The following KIAA0825 variants were observed in gnomAD, a reference collection of about 807,000 sequenced individuals.
KIAA0825 encodes uncharacterized protein KIAA0825.
A neutral mutation model predicts 147.6 loss-of-function variants in KIAA0825; 119 were observed. The ratio of observed to expected loss-of-function variants is 0.81; its 90% CI spans 0.69 to 0.94. KIAA0825 has a LOEUF of 0.94. Among genes scored for constraint, KIAA0825 ranks in the 40% least tolerant of loss-of-function variants. The pLI is 0.00. For synonymous variants in KIAA0825, 470 were observed against 518.1 expected, an observed-to-expected ratio of 0.91 and a Z score of 1.26; for missense variants, 1,381 against 1,472.7, an observed-to-expected ratio of 0.94 and a Z score of 1.02.
intron 2 of KIAA0825, among the ~76,000 whole-genome samples, chr5:94,574,558 A>G (rs537826028): frequency 1.8e-4 from 27 of 150,658 alleles, no homozygotes; most frequent in East Asian, 7.8e-4. Context: ...AAAAAAAAAA[A>G]AAAAAAAGAA....
intron 20 of KIAA0825, among the ~76,000 whole-genome samples, chr5:94,332,045 C>G (rs1015361894): frequency 6.6e-6 from 1 of 151,334 alleles, no homozygotes; most frequent in African/African-American, 2.4e-5. Flanking sequence ...GCCTATAATC[C>G]CAGCTACTTG....
intron 5 of KIAA0825, among the ~76,000 whole-genome samples, chr5:94,485,513 A>G (rs1200554379): frequency 1.3e-5 from 2 of 151,900 alleles, no homozygotes; most frequent in African/African-American, 4.8e-5. Context: ...CCCGATTTAT[A>G]TAGCTGTATT....
intron 1 of KIAA0825, among the ~76,000 whole-genome samples, chr5:94,591,092 T>G (rs534385747): frequency 6.6e-6 from 1 of 152,122 alleles, no homozygotes; most frequent in Non-Finnish European, 1.5e-5. Flanking sequence ...GAAGTTATAT[T>G]ATGGAGAAGA....
intron 20 of KIAA0825, among the ~76,000 whole-genome samples, chr5:94,227,764 T>A (rs1774337414): frequency 6.7e-6 from 1 of 150,176 alleles, no homozygotes; most frequent in Non-Finnish European, 1.5e-5. Context: ...TAGGTGGGAG[T>A]TGAACAATGA....
chr5:94,358,293 A>G (rs1744586846), intron 20 of KIAA0825, among the ~76,000 whole-genome samples: 1 of 152,208 alleles, frequency 6.6e-6, no homozygotes, highest in African/African-American at 2.4e-5. Flanking sequence ...TAAAGTGCAA[A>G]CTAGAGAATA....
chr5:94,442,293 C>G (rs964242511), intron 13 of KIAA0825, among the ~76,000 whole-genome samples: 7 of 152,124 alleles, frequency 4.6e-5, no homozygotes, highest in Non-Finnish European at 7.3e-5. Flanking sequence ...CAACCTTGGG[C>G]CAACTCAGGC....
At chr5:94,321,620 C>T (rs867028622) in intron 20 of KIAA0825, among the ~76,000 whole-genome samples, 1 of 151,888 alleles carries the variant, frequency 6.6e-6, no homozygotes, top group Non-Finnish European at 1.5e-5. Flanking sequence ...GCAAAATGTA[C>T]ATTAGTTAGT....
rs373876212 is a variant in KIAA0825 at position 94,610,980 on chromosome 5, A to G, written c.-153+7520T>C. On this transcript the variant is annotated intron_variant, in intron 1 of 20. Transcript: ENST00000682413. ...TGTGCTCCCTGGAAGGAAAATGGAC[A>G]GTAAACTGGTGGTGTGGCATGACTG... Among the ~76,000 whole-genome samples, 14 of 152,132 alleles carry G rather than the reference A, an allele frequency of 9.2e-5. 1 individual carries two copies. The East Asian group carries it at 9.7e-4, about 11-fold the overall frequency.
intron 3 of KIAA0825, among the ~76,000 whole-genome samples, chr5:94,532,122 G>A (rs1770916403): frequency 6.6e-6 from 1 of 152,134 alleles, no homozygotes; most frequent in South Asian, 2.1e-4. Flanking sequence ...GCATTTTCTA[G>A]GTGAAGTCAA....
intron 20 of KIAA0825, among the ~76,000 whole-genome samples, chr5:94,208,735 T>C (rs1001765780): frequency 3.9e-5 from 6 of 152,156 alleles, no homozygotes; most frequent in African/African-American, 7.2e-5. Flanking sequence ...CACAGCATGA[T>C]CAAAGGCATG....
At chr5:94,420,352 A>G (rs1754021837) in intron 14 of KIAA0825, among the ~76,000 whole-genome samples, 1 of 152,152 alleles carries the variant, frequency 6.6e-6, no homozygotes, top group South Asian at 2.1e-4. Flanking sequence ...ACTTGTCCCA[A>G]GGTCACAAAA....
At chr5:94,199,606 C>T (rs778301142) in intron 20 of KIAA0825, among the ~76,000 whole-genome samples, 17 of 152,010 alleles carry the variant, frequency 1.1e-4, no homozygotes, top group Non-Finnish European at 1.6e-4. Flanking sequence ...ACCACACACA[C>T]GTACAATAGT....
intron 20 of KIAA0825, among the ~76,000 whole-genome samples, chr5:94,332,778 A>G (rs901104279): frequency 1.3e-5 from 2 of 152,148 alleles, no homozygotes; most frequent in African/African-American, 4.8e-5. Flanking sequence ...TGATATTTCT[A>G]GTTCTAGATC....
Position 94,439,932 on chromosome 5 carries a change from G to T in KIAA0825, c.2497+50C>A. ...CTAGGAAAAAAATGTTATTCAACTC[G>T]AGCAATGACTAGGTTTTTCGAGGAC... On this transcript the variant is annotated intron_variant, in intron 14 of 20. Coordinates refer to ENST00000682413, the MANE Select transcript of KIAA0825 (RefSeq NM_001145678.3). The T allele has an allele frequency of 2.0e-6, 3 of 1,509,154 alleles. No homozygotes were observed. In the South Asian group the frequency reaches 3.8e-5, roughly 19 times the overall value. 93.5% of individuals were successfully genotyped at this position (1,509,154 alleles called of 1,614,324 possible). A position where few individuals can be genotyped will look rare whatever the true frequency, so the allele number is the denominator to read the frequency against.
At chr5:94,391,991 T>G (rs1337127036) in intron 17 of KIAA0825, among the ~76,000 whole-genome samples, 2 of 152,258 alleles carry the variant, frequency 1.3e-5, no homozygotes, top group Non-Finnish European at 2.9e-5. Context: ...GAAATTGCTA[T>G]AATCATGAGA....
chr5:94,194,960 C>T (rs1770999414), intron 20 of KIAA0825, among the ~76,000 whole-genome samples: 1 of 152,158 alleles, frequency 6.6e-6, no homozygotes, highest in South Asian at 2.1e-4. Context: ...CATCATTTCA[C>T]CAAATCCTCA....
At chr5:94,207,198 A>T (rs1312193467) in intron 20 of KIAA0825, among the ~76,000 whole-genome samples, 1 of 152,192 alleles carries the variant, frequency 6.6e-6, no homozygotes, top group Non-Finnish European at 1.5e-5. Flanking sequence ...TATTACAATC[A>T]TCAACTGAGT....
intron 20 of KIAA0825, among the ~76,000 whole-genome samples, chr5:94,158,900 G>C (rs1767286906): frequency 6.6e-6 from 1 of 152,172 alleles, no homozygotes. Context: ...CTCAACAAGT[G>C]ATAACTATTA....
intron 1 of KIAA0825, among the ~76,000 whole-genome samples, chr5:94,589,375 A>G (rs1260885988): frequency 6.6e-6 from 1 of 152,202 alleles, no homozygotes; most frequent in Non-Finnish European, 1.5e-5. Flanking sequence ...TACTATTGTT[A>G]TTCTTGGCTA....
Sources: allele counts gnomAD v4.1 joint callset (sites outside exome capture counted in the v4.1 genomes callset), GRCh38; gene constraint gnomAD v4.1.1; transcripts MANE v1.5; gene names NCBI Gene and HGNC (gene_info 2026-07-23, HGNC 2026-07-21).